Variants in SLX4IP observed in about 807,000 individuals in gnomAD.
SLX4IP encodes the protein protein SLX4IP.
A neutral mutation model predicts 32.9 loss-of-function variants in SLX4IP; 34 were observed. The ratio of observed to expected loss-of-function variants is 1.03; its 90% CI spans 0.79 to 1.38. The LOEUF (loss-of-function observed/expected upper bound fraction) is 1.38. Ranked by LOEUF, SLX4IP falls within the 40% of genes most tolerant of loss-of-function variation. SLX4IP has a pLI of 0.00. For missense variants in SLX4IP, 444 were observed against 479.0 expected (o/e 0.93, Z 0.68); for synonymous variants, 172 against 171.7 (o/e 1.00, Z -0.01).
intron 2 of SLX4IP, among the ~76,000 whole-genome samples, chr20:10,492,051 A>C (rs1325535545): frequency 6.6e-6 from 1 of 152,220 alleles, no homozygotes; most frequent in African/African-American, 2.4e-5. Flanking sequence ...CTGTGGATAC[A>C]TGTAGCTTTA....
intron 2 of SLX4IP, among the ~76,000 whole-genome samples, chr20:10,494,091 C>T (rs957355310): frequency 1.3e-5 from 2 of 151,388 alleles, no homozygotes; most frequent in African/African-American, 4.8e-5. Context: ...TCTTACAATT[C>T]CTGGGATAAA....
At chr20:10,613,768 C>T in intron 6 of SLX4IP, 4 of 1,613,652 alleles carry the variant, frequency 2.5e-6, no homozygotes, top group Middle Eastern at 3.3e-4. Context: ...GTGTACTGCA[C>T]GCAAAGCACA....
chr20:10,546,641 A>G (rs1442335337), intron 2 of SLX4IP, among the ~76,000 whole-genome samples: 1 of 152,200 alleles, frequency 6.6e-6, no homozygotes, highest in Admixed American at 6.5e-5. Flanking sequence ...CATCCTCAAA[A>G]TAAAACCATG....
chr20:10,517,055 A>G (rs608638), intron 2 of SLX4IP, among the ~76,000 whole-genome samples: 86,904 of 151,784 alleles, frequency 0.57, 25,468 homozygotes, highest in South Asian at 0.72. Context: ...GGAACTATGT[A>G]TGAACATTCT....
chr20:10,451,211 A>T (rs1422221940), intron 1 of SLX4IP, among the ~76,000 whole-genome samples: 1 of 151,700 alleles, frequency 6.6e-6, no homozygotes, highest in African/African-American at 2.4e-5. Context: ...CCCAGGCTGG[A>T]GTGCAGTAGC....
At position 10,603,993 on chromosome 20, in the gene SLX4IP, C is replaced by A. The variant is rs573757952; in HGVS notation, c.405+2174C>A. ...AATAAACAGCCCTTCCCTTCCAGAA[C>A]TGCCTTCTGCCTGAGAGAAGGCATT... On this transcript the variant is annotated intron_variant, in intron 6 of 7. Coordinates refer to ENST00000334534, the MANE Select transcript of SLX4IP (RefSeq NM_001009608.3). 2.0e-5 allele frequency among the ~76,000 whole-genome samples: 3 copies of A among 152,376 alleles called. No homozygotes were observed. The South Asian group carries it at 6.2e-4, about 32-fold the overall frequency.
At chr20:10,459,099 C>T (rs562882249) in intron 2 of SLX4IP, among the ~76,000 whole-genome samples, 3 of 152,332 alleles carry the variant, frequency 2.0e-5, no homozygotes, top group African/African-American at 7.2e-5. Context: ...ATTTGCATTT[C>T]TTTAATGATC....
chr20:10,536,519 A>G (rs2066046343), intron 2 of SLX4IP, among the ~76,000 whole-genome samples: 1 of 152,328 alleles, frequency 6.6e-6, no homozygotes, highest in South Asian at 2.1e-4. Flanking sequence ...GTTTCTTTGC[A>G]TGTGTGACAC....
intron 4 of SLX4IP, among the ~76,000 whole-genome samples, chr20:10,592,774 A>G (rs2066726191): frequency 6.6e-6 from 1 of 151,672 alleles, no homozygotes. Flanking sequence ...AACTGGGACT[A>G]CAGGTGCGTG....
chr20:10,599,997 A>C (rs1000271986), intron 5 of SLX4IP, among the ~76,000 whole-genome samples: 1 of 152,068 alleles, frequency 6.6e-6, no homozygotes, highest in Non-Finnish European at 1.5e-5. Context: ...GATAATTTTG[A>C]ATTCCAGTTC....
In SLX4IP at chr20:10,466,587, T is replaced by C. The variant is rs1204750367; in HGVS notation, c.27+8356T>C. Among the ~76,000 whole-genome samples the C allele has an allele frequency of 2.0e-5, 3 of 152,142 alleles. No homozygotes were observed. The East Asian group carries it at 5.8e-4, about 29-fold the overall frequency. ...GCTTAGTGACAGGCCAGTCTGTATT[T>C]AAGGAAAAACTCGGACCCGCCAGAT... On this transcript the variant is annotated intron_variant, in intron 2 of 7. Transcript: ENST00000334534.
chr20:10,501,791 G>A (rs2065721545), intron 2 of SLX4IP, among the ~76,000 whole-genome samples: 1 of 152,150 alleles, frequency 6.6e-6, no homozygotes, highest in Non-Finnish European at 1.5e-5. Context: ...GTGTCAAAAT[G>A]TATTCATTTC....
intron 4 of SLX4IP, 104 bp downstream of exon 4, chr20:10,560,924 A>G (rs2066326214): frequency 9.6e-6 from 11 of 1,140,580 alleles, no homozygotes; most frequent in Non-Finnish European, 1.2e-5. Context: ...GTATAGTGAT[A>G]CATTTTAAAA....
intron 2 of SLX4IP, among the ~76,000 whole-genome samples, chr20:10,518,174 T>C (rs569465116): frequency 2.6e-5 from 4 of 152,114 alleles, no homozygotes; most frequent in African/African-American, 7.2e-5. Flanking sequence ...ACTTAAAAGT[T>C]GAAGGAAAAA....
chr20:10,491,802 T>C (rs1348770123), intron 2 of SLX4IP, among the ~76,000 whole-genome samples: 2 of 152,166 alleles, frequency 1.3e-5, no homozygotes, highest in African/African-American at 4.8e-5. Flanking sequence ...AAATTGTAAA[T>C]ATATTTTAAT....
chr20:10,617,171 G>T (rs897604303), intron 6 of SLX4IP, among the ~76,000 whole-genome samples: 1 of 152,228 alleles, frequency 6.6e-6, no homozygotes, highest in Non-Finnish European at 1.5e-5. Flanking sequence ...CTTTGCAAAA[G>T]GCTGTCTCAC....
At chr20:10,569,688 T>G (rs1455143221) in intron 4 of SLX4IP, among the ~76,000 whole-genome samples, 2 of 152,198 alleles carry the variant, frequency 1.3e-5, no homozygotes, top group Admixed American at 6.5e-5. Flanking sequence ...TGTAAATGCC[T>G]GTGTCTCCTC....
intron 2 of SLX4IP, among the ~76,000 whole-genome samples, chr20:10,481,554 T>A (rs2065521290): frequency 6.6e-6 from 1 of 152,216 alleles, no homozygotes; most frequent in Non-Finnish European, 1.5e-5. Context: ...GTCAGTAAAT[T>A]AGTTTTCAGG....
intron 4 of SLX4IP, among the ~76,000 whole-genome samples, chr20:10,562,154 TC>T (rs2066339455): frequency 1.3e-5 from 2 of 151,656 alleles, no homozygotes; most frequent in Non-Finnish European, 3.0e-5. Flanking sequence ...GTTGCGTTAA[TC>T]TACTCGATTA....
Sources: gnomAD v4.1 joint callset for allele counts (sites outside exome capture counted in the v4.1 genomes callset) on GRCh38, gnomAD v4.1.1 for gene constraint, MANE v1.5 for transcripts, NCBI Gene and HGNC (gene_info 2026-07-23, HGNC 2026-07-21) for gene names.